Variants in GPC5 observed in about 807,000 individuals in gnomAD.
GPC5 encodes glypican 5.
A neutral mutation model predicts 53.9 loss-of-function variants in GPC5; 47 were observed. That is an observed-to-expected ratio of 0.87 (90% CI 0.69 to 1.11). GPC5 has a LOEUF of 1.11. Among genes scored for constraint, GPC5 ranks in the 50% most tolerant of loss-of-function variants. The pLI, the probability that GPC5 is intolerant of heterozygous loss-of-function variation, is 0.00. For synonymous variants in GPC5, 286 were observed against 263.3 expected, an observed-to-expected ratio of 1.09 and a Z score of -0.84; for missense variants, 748 against 713.1, an observed-to-expected ratio of 1.05 and a Z score of -0.56.
intron 7 of GPC5, among the ~76,000 whole-genome samples, chr13:92,546,106 G>A (rs1306427000): frequency 2.0e-5 from 3 of 152,136 alleles, no homozygotes; most frequent in African/African-American, 7.2e-5. Flanking sequence ...ACTGGCACAA[G>A]ACAGGGATGC....
chr13:92,512,258 G>A (rs559453300), intron 7 of GPC5, among the ~76,000 whole-genome samples: 6 of 152,018 alleles, frequency 3.9e-5, no homozygotes, highest in South Asian at 2.1e-4. Context: ...GTGCGCGCGC[G>A]CGCGCGTACG....
chr13:91,548,762 A>G (rs975188961), intron 2 of GPC5, among the ~76,000 whole-genome samples: 1 of 152,234 alleles, frequency 6.6e-6, no homozygotes, highest in Non-Finnish European at 1.5e-5. Context: ...AAATGGATCA[A>G]TGGAATAGAA....
chr13:92,838,256 G>A (rs1452833693), intron 7 of GPC5, among the ~76,000 whole-genome samples: 1 of 151,830 alleles, frequency 6.6e-6, no homozygotes, highest in African/African-American at 2.4e-5. Context: ...AGGCCGCGGA[G>A]GGCGGATCAC....
At chr13:92,603,121 ACT>A (rs1341995960) in intron 7 of GPC5, among the ~76,000 whole-genome samples, 4 of 152,200 alleles carry the variant, frequency 2.6e-5, no homozygotes, top group African/African-American at 9.6e-5. Flanking sequence ...CATAAATCCC[ACT>A]GTTTGTTTAA....
At chr13:91,491,630 G>A (rs1883946737) in intron 2 of GPC5, among the ~76,000 whole-genome samples, 1 of 152,108 alleles carries the variant, frequency 6.6e-6, no homozygotes, top group African/African-American at 2.4e-5. Flanking sequence ...CCAGAAGTCA[G>A]CAGGACTTCT....
chr13:92,047,806 T>TAAAAA (rs35020183), intron 6 of GPC5, among the ~76,000 whole-genome samples: 2 of 98,784 alleles, frequency 2.0e-5, no homozygotes, highest in Non-Finnish European at 3.8e-5. Flanking sequence ...CTGTCTCTAC[T>TAAAAA]AAAAAAAAAA....
rs9589291 is a variant in GPC5, at chr13:91,549,720, G to A, written c.325+100798G>A. ...AAAACAGAAGTGAGATACTACTACAGACATATTAGAATAAACAGAATCCAG... is the reference window on the plus strand; with the variant it reads ...AAAACAGAAGTGAGATACTACTACAAACATATTAGAATAAACAGAATCCAG... On this transcript the variant is annotated intron_variant, in intron 2 of 7. Transcript: ENST00000377067. Among the ~76,000 whole-genome samples the A allele has an allele frequency of 2.8e-3, 420 of 152,206 alleles. 1 individual carries two copies. The highest frequency in any genetic ancestry group is 9.9e-3 in the African/African-American group (412 of 41,536).
At chr13:92,190,599 G>A (rs1391495581) in intron 7 of GPC5, among the ~76,000 whole-genome samples, 1 of 152,082 alleles carries the variant, frequency 6.6e-6, no homozygotes, top group Non-Finnish European at 1.5e-5. Flanking sequence ...GGAAGATTTT[G>A]TTATAAAGTA....
intron 7 of GPC5, among the ~76,000 whole-genome samples, chr13:92,484,142 A>G (rs1879464752): frequency 1.3e-5 from 2 of 152,068 alleles, no homozygotes; most frequent in Admixed American, 6.6e-5. Context: ...TGTTTCAGAA[A>G]ACAAAAATCA....
chr13:92,144,682 T>G, intron 6 of GPC5, 148 bp from the exon 7 acceptor site: 2 of 663,700 alleles, frequency 3.0e-6, no homozygotes, highest in Non-Finnish European at 2.5e-6. Context: ...CTATTTCAGT[T>G]GTTTCATTTT....
chr13:92,113,183 G>T (rs954746833), intron 6 of GPC5, among the ~76,000 whole-genome samples: 1 of 151,950 alleles, frequency 6.6e-6, no homozygotes, highest in African/African-American at 2.4e-5. Context: ...TGAAAGAAAA[G>T]AATTTTTTTG....
chr13:92,492,358 G>C (rs1879798305), intron 7 of GPC5, among the ~76,000 whole-genome samples: 1 of 151,800 alleles, frequency 6.6e-6, no homozygotes, highest in South Asian at 2.1e-4. Flanking sequence ...GTGGGAGAGG[G>C]GGGAGGGATA....
intron 2 of GPC5, among the ~76,000 whole-genome samples, chr13:91,568,542 A>G (rs141576911): frequency 1.3e-5 from 2 of 150,756 alleles, no homozygotes; most frequent in African/African-American, 2.5e-5. Context: ...ATTGCTAGGG[A>G]AAAAGTAGAG....
At chr13:91,701,634 T>C (rs1450749378) in intron 3 of GPC5, among the ~76,000 whole-genome samples, 1 of 152,020 alleles carries the variant, frequency 6.6e-6, no homozygotes, top group East Asian at 1.9e-4. Context: ...TTATGTTGAT[T>C]GTTTCATTGG....
rs201918417 is a variant in GPC5 at position 91,478,902 on chromosome 13, T to TATATATATATATACAC, written c.325+29980_325+29981insATATATATATATACAC. On this transcript the variant is annotated intron_variant, in intron 2 of 7. Transcript: ENST00000377067. ...CACATTATATATATATATATATATA[T>TATATATATATATACAC]GCACATATATATATTCTTTTTTTTT... Among the ~76,000 whole-genome samples the TATATATATATATACAC allele has an allele frequency of 1.3e-4, 12 of 90,312 alleles. 1 individual carries two copies. Among genetic ancestry groups the TATATATATATATACAC allele is most frequent in the African/African-American group, 6.6e-4 (11 of 16,628 alleles). 59.2% of individuals were successfully genotyped at this position (90,312 alleles called of 152,430 possible).
intron 7 of GPC5, among the ~76,000 whole-genome samples, chr13:92,151,490 A>G (rs992476294): frequency 6.6e-6 from 1 of 152,158 alleles, no homozygotes; most frequent in Non-Finnish European, 1.5e-5. Flanking sequence ...CATTATAAGA[A>G]GGCATCATAT....
intron 2 of GPC5, among the ~76,000 whole-genome samples, chr13:91,608,433 G>A (rs554945255): frequency 6.6e-6 from 1 of 152,270 alleles, no homozygotes; most frequent in African/African-American, 2.4e-5. Flanking sequence ...CTTGTACCGT[G>A]TCCCTATTTC....
chr13:92,727,140 C>A (rs1888670181), intron 7 of GPC5, among the ~76,000 whole-genome samples: 1 of 151,426 alleles, frequency 6.6e-6, no homozygotes, highest in African/African-American at 2.4e-5. Context: ...GGAGTTTATG[C>A]AGAGCCCTGT....
At chr13:92,218,138 G>T (rs1040603585) in intron 7 of GPC5, among the ~76,000 whole-genome samples, 1 of 151,760 alleles carries the variant, frequency 6.6e-6, no homozygotes, top group African/African-American at 2.4e-5. Context: ...ATGTTGCCCA[G>T]GTTGGTCTTG....
Sources: gnomAD v4.1 joint callset for allele counts (sites outside exome capture counted in the v4.1 genomes callset) on GRCh38, gnomAD v4.1.1 for gene constraint, MANE v1.5 for transcripts, NCBI Gene and HGNC (gene_info 2026-07-23, HGNC 2026-07-21) for gene names.